Variants in CDH13 observed in about 807,000 individuals in gnomAD.
The protein encoded by CDH13 is cadherin-13.
A neutral mutation model predicts 63.8 loss-of-function variants in CDH13; 24 were observed. That is an observed-to-expected ratio of 0.38 (90% CI 0.27 to 0.53). The LOEUF (loss-of-function observed/expected upper bound fraction) is 0.53, where lower values mean the gene tolerates loss of function less well. CDH13 is among the 20% of genes least tolerant of loss of function. The probability of loss-of-function intolerance (pLI) is 0.85; values close to 1 mark genes in which losing one functional copy is unlikely to be tolerated. For missense variants in CDH13, 1,049 were observed against 903.1 expected (o/e 1.16, Z -2.07); for synonymous variants, 503 against 355.3 (o/e 1.42, Z -4.67).
chr16:82,936,244 G>A (rs2042664639), intron 2 of CDH13, among the ~76,000 whole-genome samples: 1 of 152,124 alleles, frequency 6.6e-6, no homozygotes. Context: ...TTCTTTGTTA[G>A]AAAATTATTT....
intron 5 of CDH13, among the ~76,000 whole-genome samples, chr16:83,282,810 G>A (rs181585764): frequency 3.9e-5 from 6 of 152,332 alleles, no homozygotes; most frequent in Non-Finnish European, 7.3e-5. Context: ...CTGCTGATGG[G>A]TGGATTTTCA....
intron 1 of CDH13, among the ~76,000 whole-genome samples, chr16:82,631,415 C>A (rs1907994862): frequency 6.6e-6 from 1 of 152,210 alleles, no homozygotes; most frequent in African/African-American, 2.4e-5. Context: ...CACTTTCCAT[C>A]ACTCATTGAA....
intron 2 of CDH13, among the ~76,000 whole-genome samples, chr16:83,026,697 G>C (rs1167671022): frequency 6.6e-6 from 1 of 152,168 alleles, no homozygotes; most frequent in Non-Finnish European, 1.5e-5. Context: ...AGGCTGAAAG[G>C]AGGTATGGAC....
intron 4 of CDH13, among the ~76,000 whole-genome samples, chr16:83,131,744 C>A (rs1018467493): frequency 2.0e-5 from 3 of 152,076 alleles, no homozygotes; most frequent in Non-Finnish European, 2.9e-5. Flanking sequence ...TCATCAAAAC[C>A]AATGAAAGTA....
chr16:82,842,280 T>C (rs1315284994), intron 1 of CDH13, among the ~76,000 whole-genome samples: 7 of 151,336 alleles, frequency 4.6e-5, no homozygotes, highest in Non-Finnish European at 1.0e-4. Context: ...ATCATCAGGG[T>C]AGCTCAGTCT....
chr16:83,132,647 T>C (rs890278136), intron 4 of CDH13, among the ~76,000 whole-genome samples: 4 of 152,056 alleles, frequency 2.6e-5, no homozygotes, highest in Non-Finnish European at 5.9e-5. Flanking sequence ...GGTTTCACCA[T>C]GTTGGCCAGA....
At chr16:83,756,469 T>C (rs1913514673) in intron 11 of CDH13, among the ~76,000 whole-genome samples, 1 of 152,248 alleles carries the variant, frequency 6.6e-6, no homozygotes, top group Non-Finnish European at 1.5e-5. Flanking sequence ...CCACAGCCTG[T>C]GGGCCATATG....
chr16:82,747,801 G>A (rs1458187541), intron 1 of CDH13, among the ~76,000 whole-genome samples: 1 of 152,188 alleles, frequency 6.6e-6, no homozygotes, highest in Non-Finnish European at 1.5e-5. Flanking sequence ...TTTAGGAATA[G>A]CAGAGTATTA....
intron 7 of CDH13, among the ~76,000 whole-genome samples, chr16:83,568,467 A>C (rs1282362068): frequency 6.6e-6 from 1 of 152,172 alleles, no homozygotes; most frequent in African/African-American, 2.4e-5. Context: ...CGCACATGTC[A>C]CTGAGTTATT....
chr16:83,611,191 C>CT (rs1908828917), intron 8 of CDH13, among the ~76,000 whole-genome samples: 1 of 151,896 alleles, frequency 6.6e-6, no homozygotes, highest in Non-Finnish European at 1.5e-5. Context: ...GATGTGAGTC[C>CT]TTTGAGTTAT....
intron 8 of CDH13, among the ~76,000 whole-genome samples, chr16:83,666,440 A>G (rs908549309): frequency 6.6e-6 from 1 of 150,928 alleles, no homozygotes; most frequent in Admixed American, 6.6e-5. Context: ...ATATTTAAAG[A>G]TTTTTTTTTT....
rs143758589 is a variant in CDH13, at chr16:83,295,878, T to G, written c.637-48984T>G. On this transcript the variant is annotated intron_variant, in intron 5 of 13. Coordinates refer to ENST00000567109, the MANE Select transcript of CDH13 (RefSeq NM_001257.5). The stretch of plus-strand genomic sequence containing the variant: ...GAGACGTCTGCACTTCTGTATGTAT[T>G]GCAGCAGTGTTCACAATAGCCAAGA... Among the ~76,000 whole-genome samples, 25 of 152,344 alleles carry G rather than the reference T, an allele frequency of 1.6e-4. No homozygotes were observed. In the East Asian group the frequency reaches 4.4e-3, roughly 27 times the overall value.
chr16:83,330,697 T>C (rs564557345), intron 5 of CDH13, among the ~76,000 whole-genome samples: 1 of 152,252 alleles, frequency 6.6e-6, no homozygotes, highest in East Asian at 1.9e-4. Flanking sequence ...CTGACCACCT[T>C]CCTCAGATTG....
At chr16:83,194,761 G>A (rs570213165) in intron 4 of CDH13, among the ~76,000 whole-genome samples, 2 of 152,168 alleles carry the variant, frequency 1.3e-5, no homozygotes, top group Non-Finnish European at 2.9e-5. Flanking sequence ...TCCTAGTTGG[G>A]TAGTTGGGAG....
intron 8 of CDH13, 36 bp downstream of exon 8, chr16:83,602,630 G>C: frequency 3.1e-6 from 5 of 1,611,268 alleles, no homozygotes; most frequent in Non-Finnish European, 3.4e-6. Context: ...CACCACTGTG[G>C]TCACAGCTAC....
chr16:83,333,008 A>C (rs944751763), intron 5 of CDH13, among the ~76,000 whole-genome samples: 3 of 152,314 alleles, frequency 2.0e-5, no homozygotes, highest in Non-Finnish European at 2.9e-5. Context: ...AATAGTATCA[A>C]GATCTTTAAT....
intron 2 of CDH13, among the ~76,000 whole-genome samples, chr16:82,930,007 C>A (rs1006927595): frequency 1.4e-5 from 2 of 146,840 alleles, no homozygotes; most frequent in Non-Finnish European, 3.0e-5. Flanking sequence ...AAATCACTAT[C>A]ATGACTTCTA....
chr16:83,500,908 T>C (rs1320504375), intron 7 of CDH13, among the ~76,000 whole-genome samples: 1 of 152,120 alleles, frequency 6.6e-6, no homozygotes, highest in Non-Finnish European at 1.5e-5. Flanking sequence ...TGAGCCAGTT[T>C]ATTTGTTGAC....
intron 1 of CDH13, among the ~76,000 whole-genome samples, chr16:82,656,577 T>C (rs1292382071): frequency 6.6e-6 from 1 of 152,142 alleles, no homozygotes; most frequent in Admixed American, 6.5e-5. Context: ...CATTGACACA[T>C]CATTATCACT....
Sources: gnomAD v4.1 joint callset for allele counts (sites outside exome capture counted in the v4.1 genomes callset) on GRCh38, gnomAD v4.1.1 for gene constraint, MANE v1.5 for transcripts, NCBI Gene and HGNC (gene_info 2026-07-23, HGNC 2026-07-21) for gene names.